Variants in SH3PXD2A observed in about 807,000 individuals in gnomAD.
The protein encoded by SH3PXD2A is SH3 and PX domain-containing protein 2A.
In SH3PXD2A, 32 loss-of-function variants were observed where a neutral mutation model predicts 115.2. That is an observed-to-expected ratio of 0.28 (90% confidence interval 0.21 to 0.37). The LOEUF (loss-of-function observed/expected upper bound fraction) is 0.37, where lower values mean the gene tolerates loss of function less well. Among genes scored for constraint, SH3PXD2A ranks in the 10% least tolerant of loss-of-function variants. The probability of loss-of-function intolerance (pLI) is 1.00; values close to 1 mark genes in which losing one functional copy is unlikely to be tolerated. For missense variants in SH3PXD2A, 1,328 were observed against 1,498.7 expected (o/e 0.89, Z 1.88); for synonymous variants, 610 against 629.1 (o/e 0.97, Z 0.45).
At chr10:103,640,106 G>C (rs541949474) in intron 8 of SH3PXD2A, among the ~76,000 whole-genome samples, 7 of 152,214 alleles carry the variant, frequency 4.6e-5, no homozygotes, top group South Asian at 2.1e-4. Context: ...CCTGAGGTTA[G>C]GAGTTCGAGA....
chr10:103,664,227 G>T (rs574649448), intron 7 of SH3PXD2A, among the ~76,000 whole-genome samples: 39 of 152,372 alleles, frequency 2.6e-4, no homozygotes, highest in Non-Finnish European at 4.9e-4. Flanking sequence ...CACTGGATGA[G>T]AAGAGTGGGA....
chr10:103,750,574 C>T (rs1306906089), intron 3 of SH3PXD2A, among the ~76,000 whole-genome samples: 2 of 152,116 alleles, frequency 1.3e-5, no homozygotes, highest in African/African-American at 2.4e-5. Flanking sequence ...TTCATGAGCC[C>T]CCTGAGCGAT....
chr10:103,785,858 C>T (rs934426127), intron 2 of SH3PXD2A, among the ~76,000 whole-genome samples: 5 of 151,464 alleles, frequency 3.3e-5, no homozygotes, highest in South Asian at 2.1e-4. Flanking sequence ...GACATGCAGA[C>T]GAGACTGGCA....
chr10:103,624,533 T>A, intron 9 of SH3PXD2A, among the ~76,000 whole-genome samples: 2 of 152,294 alleles, frequency 1.3e-5, no homozygotes, highest in Middle Eastern at 6.8e-3. Context: ...CTTCCTACCA[T>A]ACTGAACTCC....
chr10:103,647,205 C>A (rs1244488747), intron 8 of SH3PXD2A, among the ~76,000 whole-genome samples: 5 of 152,212 alleles, frequency 3.3e-5, no homozygotes, highest in Non-Finnish European at 5.9e-5. Context: ...AATATCATGG[C>A]ATCAGCTCCA....
At position 103,596,598 on chromosome 10, in the gene SH3PXD2A, A is replaced by T. The variant is rs920352856; in HGVS notation, c.*5218T>A. Reference sequence around the variant, plus strand: ...TTTTTTCTCTAACCCCATGTTATTTAGTTCAAGTGGGAAGTTACCAACACT... The same window carrying T: ...TTTTTTCTCTAACCCCATGTTATTTTGTTCAAGTGGGAAGTTACCAACACT... On this transcript the variant is annotated 3_prime_UTR_variant, in exon 15 of 15. Transcript: ENST00000369774. 53 of 150,966 alleles carry T rather than the reference A, an allele frequency of 3.5e-4. 1 individual carries two copies. Among genetic ancestry groups the T allele is most frequent in the Admixed American group, 3.3e-3 (50 of 15,054 alleles). 9.4% of individuals were successfully genotyped at this position (150,966 alleles called of 1,614,324 possible). A position where few individuals can be genotyped will look rare whatever the true frequency, so the allele number is the denominator to read the frequency against.
intron 3 of SH3PXD2A, among the ~76,000 whole-genome samples, chr10:103,738,953 C>T (rs576272638): frequency 1.3e-5 from 2 of 148,476 alleles, no homozygotes; most frequent in Non-Finnish European, 3.0e-5. Flanking sequence ...TGCCACCACA[C>T]CCGGCTGATT....
At chr10:103,685,817 G>A (rs1009755226) in intron 6 of SH3PXD2A, among the ~76,000 whole-genome samples, 10 of 152,200 alleles carry the variant, frequency 6.6e-5, no homozygotes, top group African/African-American at 1.2e-4. Context: ...CAGAGTCCAC[G>A]TTTTTAACTC....
intron 5 of SH3PXD2A, among the ~76,000 whole-genome samples, chr10:103,708,531 A>G (rs1251520594): frequency 1.3e-5 from 2 of 152,158 alleles, no homozygotes; most frequent in East Asian, 1.9e-4. Flanking sequence ...AAAGGGGTGC[A>G]TGAATGCCCC....
intron 8 of SH3PXD2A, among the ~76,000 whole-genome samples, chr10:103,647,862 A>C (rs936431656): frequency 2.0e-5 from 3 of 151,924 alleles, no homozygotes; most frequent in African/African-American, 7.2e-5. Flanking sequence ...CCAAGCACGA[A>C]AGAGTCAATC....
chr10:103,619,452 G>A (rs769118790), intron 10 of SH3PXD2A, among the ~76,000 whole-genome samples: 1 of 152,220 alleles, frequency 6.6e-6, no homozygotes, highest in Non-Finnish European at 1.5e-5. Flanking sequence ...TCTGTGGTTC[G>A]AGCAGGAAGC....
rs758380699 is a variant in SH3PXD2A at position 103,698,609 on chromosome 10, G to A, written c.399-5553C>T. 3.3e-5 allele frequency among the ~76,000 whole-genome samples: 5 copies of A among 152,290 alleles called. No individual in the cohort carries two copies. In the East Asian group the frequency reaches 5.8e-4, roughly 18 times the overall value. ...ATGCAACCTTGGCCAGGGGAGTGAC[G>A]TGGGGCTCTTGAGGTACATAATGAT... is the stretch of plus-strand genomic sequence containing the variant. On this transcript the variant is annotated intron_variant, in intron 5 of 14. Coordinates refer to ENST00000369774, the MANE Select transcript of SH3PXD2A (RefSeq NM_001394015.1).
intron 6 of SH3PXD2A, among the ~76,000 whole-genome samples, chr10:103,682,141 T>C (rs1315853730): frequency 6.6e-6 from 1 of 152,168 alleles, no homozygotes; most frequent in African/African-American, 2.4e-5. Flanking sequence ...CTGAGGGAAT[T>C]GAGGCTTCCA....
intron 1 of SH3PXD2A, among the ~76,000 whole-genome samples, chr10:103,826,994 G>A (rs997362133): frequency 6.6e-6 from 1 of 152,210 alleles, no homozygotes; most frequent in African/African-American, 2.4e-5. Context: ...GAGACCCACA[G>A]GGCATGGAAG....
At chr10:103,658,828 T>G (rs946483951) in intron 8 of SH3PXD2A, among the ~76,000 whole-genome samples, 1 of 152,216 alleles carries the variant, frequency 6.6e-6, no homozygotes, top group African/African-American at 2.4e-5. Context: ...AGGGAGGTCA[T>G]TTGCTCCAGC....
chr10:103,747,378 T>A (rs1258960761), intron 3 of SH3PXD2A, among the ~76,000 whole-genome samples: 1 of 152,092 alleles, frequency 6.6e-6, no homozygotes, highest in Non-Finnish European at 1.5e-5. Context: ...GTACCCTCCC[T>A]GTGGGAGCCG....
chr10:103,662,029 C>G, intron 7 of SH3PXD2A: 1 of 853,020 alleles, frequency 1.2e-6, no homozygotes, highest in Non-Finnish European at 1.4e-6. Flanking sequence ...GCCCTGCTTC[C>G]AGAGAGGGCC....
chr10:103,706,421 C>T (rs2037981356), intron 5 of SH3PXD2A, among the ~76,000 whole-genome samples: 1 of 152,214 alleles, frequency 6.6e-6, no homozygotes, highest in Admixed American at 6.5e-5. Flanking sequence ...TCCTGGGCCC[C>T]AGCTCCCAGC....
At chr10:103,779,405 C>T (rs1012593370) in intron 2 of SH3PXD2A, among the ~76,000 whole-genome samples, 4 of 152,208 alleles carry the variant, frequency 2.6e-5, no homozygotes, top group African/African-American at 9.7e-5. Flanking sequence ...GTGCCAGCCC[C>T]GGCTGCTTGT....
Sources: allele counts gnomAD v4.1 joint callset (sites outside exome capture counted in the v4.1 genomes callset), GRCh38; gene constraint gnomAD v4.1.1; transcripts MANE v1.5; gene names NCBI Gene and HGNC (gene_info 2026-07-23, HGNC 2026-07-21).